Variants in SLC9A9 observed in about 807,000 individuals in gnomAD.
SLC9A9 encodes solute carrier family 9 member A9.
In SLC9A9, 62 loss-of-function variants were observed where a neutral mutation model predicts 77.8. That is an observed-to-expected ratio of 0.80 (90% CI 0.65 to 0.98). SLC9A9 has a LOEUF of 0.98. Among genes scored for constraint, SLC9A9 ranks in the 50% least tolerant of loss-of-function variants. The pLI, the probability that SLC9A9 is intolerant of heterozygous loss-of-function variation, is 0.00. For synonymous variants in SLC9A9, 320 were observed against 283.5 expected (o/e 1.13, Z -1.29); for missense variants, 775 against 774.9 (o/e 1.00, Z 0.00).
chr3:143,429,445 G>C (rs576514175), intron 12 of SLC9A9, among the ~76,000 whole-genome samples: 1 of 152,292 alleles, frequency 6.6e-6, no homozygotes, highest in Admixed American at 6.5e-5. Context: ...GAAAAGGAGG[G>C]GAGAAGGTAG....
chr3:143,712,489 T>A (rs1934225201), intron 4 of SLC9A9, among the ~76,000 whole-genome samples: 1 of 152,096 alleles, frequency 6.6e-6, no homozygotes. Flanking sequence ...CTACCGGGGG[T>A]AACAGAGAAG....
intron 12 of SLC9A9, among the ~76,000 whole-genome samples, chr3:143,435,155 C>T (rs1282736737): frequency 1.3e-5 from 2 of 151,824 alleles, no homozygotes; most frequent in Non-Finnish European, 2.9e-5. Context: ...AAAATATTAT[C>T]TAATATTTTA....
intron 9 of SLC9A9, among the ~76,000 whole-genome samples, chr3:143,525,637 C>T (rs532516973): frequency 1.3e-5 from 2 of 152,296 alleles, no homozygotes; most frequent in South Asian, 2.1e-4. Flanking sequence ...ATTTCTGAGT[C>T]TGTGAGTACC....
At chr3:143,443,454 T>G (rs1329895344) in intron 12 of SLC9A9, among the ~76,000 whole-genome samples, 3 of 152,214 alleles carry the variant, frequency 2.0e-5, no homozygotes, top group Non-Finnish European at 2.9e-5. Flanking sequence ...ATGTGCTGCT[T>G]GTACCCTGAG....
intron 14 of SLC9A9, among the ~76,000 whole-genome samples, chr3:143,351,941 A>G (rs1284389333): frequency 6.6e-6 from 1 of 151,900 alleles, no homozygotes; most frequent in Non-Finnish European, 1.5e-5. Flanking sequence ...GAAAAGGGGG[A>G]AAAAAAGGAA....
chr3:143,284,140 A>C (rs1014952284), intron 14 of SLC9A9, among the ~76,000 whole-genome samples: 2 of 152,084 alleles, frequency 1.3e-5, no homozygotes, highest in Non-Finnish European at 2.9e-5. Flanking sequence ...AAGAGAAAGC[A>C]TCGAGTCGTT....
chr3:143,706,078 T>G (rs955711772), intron 4 of SLC9A9, among the ~76,000 whole-genome samples: 1 of 152,210 alleles, frequency 6.6e-6, no homozygotes, highest in Non-Finnish European at 1.5e-5. Flanking sequence ...GTGAGGAGAA[T>G]TCCAACAATG....
At chr3:143,576,228 G>A (rs1441606961) in intron 7 of SLC9A9, among the ~76,000 whole-genome samples, 1 of 152,202 alleles carries the variant, frequency 6.6e-6, no homozygotes, top group Non-Finnish European at 1.5e-5. Flanking sequence ...AATTGTCTCA[G>A]TTTCCTTAGC....
chr3:143,504,233 A>G, intron 9 of SLC9A9: 2 of 273,826 alleles, frequency 7.3e-6, no homozygotes, highest in South Asian at 8.9e-5. Context: ...CAGGTGCCCA[A>G]TACAGCCAAA....
intron 5 of SLC9A9, among the ~76,000 whole-genome samples, chr3:143,678,934 A>G (rs987308494): frequency 6.6e-6 from 1 of 152,096 alleles, no homozygotes; most frequent in Non-Finnish European, 1.5e-5. Context: ...AAGAAAGTAT[A>G]TAGAGAAAAG....
intron 3 of SLC9A9, 82 bp downstream of exon 3, chr3:143,796,744 C>A (rs1328342056): frequency 3.2e-6 from 3 of 934,858 alleles, no homozygotes. Flanking sequence ...TAGAGAAGCC[C>A]ATAAAAATAA....
chr3:143,742,238 A>G (rs1935090171), intron 4 of SLC9A9, among the ~76,000 whole-genome samples: 1 of 152,110 alleles, frequency 6.6e-6, no homozygotes, highest in Non-Finnish European at 1.5e-5. Context: ...TTAATCTCTG[A>G]CCAATCAGCA....
At chr3:143,543,970 G>A (rs1373192323) in intron 9 of SLC9A9, among the ~76,000 whole-genome samples, 1 of 152,112 alleles carries the variant, frequency 6.6e-6, no homozygotes, top group Non-Finnish European at 1.5e-5. Flanking sequence ...TGCTTTCCAT[G>A]GTGGCTGAAC....
chr3:143,340,015 A>G (rs2032049050), intron 14 of SLC9A9, among the ~76,000 whole-genome samples: 2 of 152,194 alleles, frequency 1.3e-5, no homozygotes, highest in Admixed American at 1.3e-4. Flanking sequence ...AGAACACAAC[A>G]CGAGAACTTT....
At chr3:143,779,431 G>A (rs1022749389) in intron 4 of SLC9A9, among the ~76,000 whole-genome samples, 1 of 152,112 alleles carries the variant, frequency 6.6e-6, no homozygotes, top group African/African-American at 2.4e-5. Flanking sequence ...GCGTGAAGTG[G>A]CACAATCTCG....
chr3:143,586,517 C>T (rs2037544283), intron 6 of SLC9A9, among the ~76,000 whole-genome samples: 1 of 152,102 alleles, frequency 6.6e-6, no homozygotes, highest in Admixed American at 6.5e-5. Context: ...AGATGAAAAA[C>T]AATTACAGTG....
rs555828102 is a variant in SLC9A9, at chr3:143,294,555, A to G, written c.1605-25575T>C. Among the ~76,000 whole-genome samples the G allele has an allele frequency of 4.6e-5, 7 of 152,374 alleles. No homozygotes were observed. In the South Asian group the frequency reaches 1.4e-3, roughly 32 times the overall value. On this transcript the variant is annotated intron_variant, in intron 14 of 15. Coordinates refer to ENST00000316549, the MANE Select transcript of SLC9A9 (RefSeq NM_173653.4). Reference sequence around the variant, plus strand: ...AAATCAACTGGATCCTAAATTAGCTATCCAAATAATGCAAGAAAATACATT... The same window carrying G: ...AAATCAACTGGATCCTAAATTAGCTGTCCAAATAATGCAAGAAAATACATT...
chr3:143,574,708 T>C (rs974666623), intron 7 of SLC9A9, among the ~76,000 whole-genome samples: 1 of 152,022 alleles, frequency 6.6e-6, no homozygotes, highest in Admixed American at 6.5e-5. Context: ...CCATGCCCTC[T>C]TGGTATAAGT....
At chr3:143,425,530 T>C (rs1167343323) in intron 12 of SLC9A9, among the ~76,000 whole-genome samples, 2 of 152,218 alleles carry the variant, frequency 1.3e-5, no homozygotes, top group African/African-American at 4.8e-5. Flanking sequence ...CACTTTGATG[T>C]GGACTCTTTA....
Sources: gnomAD v4.1 joint callset for allele counts (sites outside exome capture counted in the v4.1 genomes callset) on GRCh38, gnomAD v4.1.1 for gene constraint, MANE v1.5 for transcripts, NCBI Gene and HGNC (gene_info 2026-07-23, HGNC 2026-07-21) for gene names.